The following CNTN6 variants were observed in gnomAD, a reference collection of about 807,000 sequenced individuals.
The protein encoded by CNTN6 is contactin 6, also known as contactin-6.
Under a neutral mutation model 122.8 loss-of-function variants are expected in CNTN6, and 137 were observed. The observed-to-expected ratio is 1.12, with a 90% CI of 0.97 to 1.29. The LOEUF (loss-of-function observed/expected upper bound fraction) is 1.29, where lower values mean the gene tolerates loss of function less well. Among genes scored for constraint, CNTN6 ranks in the 50% most tolerant of loss-of-function variants. The pLI is 0.00. For missense variants in CNTN6, 1,634 were observed against 1,223.4 expected (o/e 1.34, Z -5.01); for synonymous variants, 570 against 426.0 (o/e 1.34, Z -4.16).
intron 2 of CNTN6, among the ~76,000 whole-genome samples, chr3:1,204,702 G>A (rs1246006966): frequency 2.0e-5 from 3 of 152,118 alleles, no homozygotes; most frequent in Admixed American, 2.0e-4. Flanking sequence ...TCCCAAAGAA[G>A]AAACAAGGAC....
At chr3:1,306,923 CCTCA>C (rs1233990257) in intron 7 of CNTN6, among the ~76,000 whole-genome samples, 1 of 152,144 alleles carries the variant, frequency 6.6e-6, no homozygotes, top group African/African-American at 2.4e-5. Context: ...ACTGACGTTT[CCTCA>C]CTCACTCATT....
intron 5 of CNTN6, among the ~76,000 whole-genome samples, chr3:1,287,319 G>A (rs1379080472): frequency 2.0e-5 from 3 of 152,046 alleles, no homozygotes; most frequent in Admixed American, 6.6e-5. Flanking sequence ...GATGCCAATC[G>A]CACTGCCTCC....
chr3:1,299,346 A>T (rs1696811997), intron 7 of CNTN6, among the ~76,000 whole-genome samples: 3 of 152,172 alleles, frequency 2.0e-5, no homozygotes, highest in Admixed American at 2.0e-4. Flanking sequence ...AATTAATTTT[A>T]AAAGAAAACC....
chr3:1,237,768 T>A (rs2094439303), intron 4 of CNTN6, among the ~76,000 whole-genome samples: 2 of 152,106 alleles, frequency 1.3e-5, no homozygotes, highest in East Asian at 1.9e-4. Flanking sequence ...ACAAAACAAC[T>A]ATTAGTCAAG....
chr3:1,236,660 T>A (rs4063468), intron 4 of CNTN6, among the ~76,000 whole-genome samples: 1 of 151,898 alleles, frequency 6.6e-6, no homozygotes, highest in African/African-American at 2.4e-5. Flanking sequence ...AATGATAATA[T>A]GACAAAATAA....
chr3:1,331,304 G>C (rs1702251973), intron 11 of CNTN6, among the ~76,000 whole-genome samples: 1 of 151,872 alleles, frequency 6.6e-6, no homozygotes, highest in African/African-American at 2.4e-5. Context: ...CCTGTGCCTT[G>C]GCACAGAACC....
At chr3:1,324,866 C>T (rs1291937026) in intron 8 of CNTN6, among the ~76,000 whole-genome samples, 1 of 149,638 alleles carries the variant, frequency 6.7e-6, no homozygotes, top group African/African-American at 2.5e-5. Context: ...AACAGGTTAC[C>T]TAACATCGCT....
chr3:1,367,589 A>G (rs952574764), intron 12 of CNTN6, among the ~76,000 whole-genome samples: 5 of 152,046 alleles, frequency 3.3e-5, no homozygotes, highest in Admixed American at 1.3e-4. Context: ...CTGTGTGTGC[A>G]TGAGCTGCTG....
chr3:1,224,036 A>G (rs1280023321), intron 3 of CNTN6, among the ~76,000 whole-genome samples: 1 of 152,228 alleles, frequency 6.6e-6, no homozygotes, highest in Admixed American at 6.5e-5. Context: ...TTCTTTCCAC[A>G]GGGGTCACAG....
chr3:1,205,187 G>C (rs1297844481), intron 2 of CNTN6, among the ~76,000 whole-genome samples: 2 of 152,086 alleles, frequency 1.3e-5, no homozygotes, highest in Non-Finnish European at 2.9e-5. Flanking sequence ...AGTCGTATAA[G>C]GCAAGGAAAC....
chr3:1,264,991 C>T (rs2125721352), intron 4 of CNTN6, among the ~76,000 whole-genome samples: 1 of 147,718 alleles, frequency 6.8e-6, no homozygotes, highest in Middle Eastern at 3.6e-3. Flanking sequence ...GCTTATTTTA[C>T]TTAGCATAAT....
At chr3:1,252,500 A>G (rs904891889) in intron 4 of CNTN6, among the ~76,000 whole-genome samples, 5 of 152,204 alleles carry the variant, frequency 3.3e-5, no homozygotes, top group African/African-American at 1.2e-4. Context: ...ACACAGATGG[A>G]TGAATATTTG....
In CNTN6 at chr3:1,281,550, C is replaced by T. The variant is rs917577204; in HGVS notation, c.454+3042C>T. 3.3e-5 allele frequency among the ~76,000 whole-genome samples: 5 copies of T among 151,858 alleles called. 1 individual carries two copies. The highest frequency in any genetic ancestry group is 4.2e-4 in the South Asian group (2 of 4,782). ...CCCCATCTCTGCTCACCACTACCTCCGCCTCCCAGATTCAAGGGATTCTCC... is the reference window on the plus strand; with the variant it reads ...CCCCATCTCTGCTCACCACTACCTCTGCCTCCCAGATTCAAGGGATTCTCC... On this transcript the variant is annotated intron_variant, in intron 5 of 22. Transcript: ENST00000446702.
intron 1 of CNTN6, among the ~76,000 whole-genome samples, chr3:1,114,248 T>C (rs2091613108): frequency 6.6e-6 from 1 of 152,140 alleles, no homozygotes; most frequent in South Asian, 2.1e-4. Flanking sequence ...TAACATTAAT[T>C]GAAGAATTCT....
At chr3:1,326,716 G>C (rs544711446) in intron 9 of CNTN6, among the ~76,000 whole-genome samples, 1 of 151,984 alleles carries the variant, frequency 6.6e-6, no homozygotes, top group Admixed American at 6.6e-5. Context: ...AAGAACATCT[G>C]TTGTTTGGAA....
chr3:1,326,715 T>C (rs1701593150), intron 9 of CNTN6, among the ~76,000 whole-genome samples: 1 of 151,910 alleles, frequency 6.6e-6, no homozygotes, highest in African/African-American at 2.4e-5. Flanking sequence ...AAAGAACATC[T>C]GTTGTTTGGA....
chr3:1,325,741 A>G, intron 8 of CNTN6, 74 bp from the exon 9 acceptor site: 2 of 1,523,086 alleles, frequency 1.3e-6, no homozygotes, highest in Non-Finnish European at 1.8e-6. Flanking sequence ...TGATCTCTAC[A>G]GCCCTTGTAA....
At chr3:1,390,878 G>C (rs1253486258) in intron 20 of CNTN6, among the ~76,000 whole-genome samples, 1 of 150,814 alleles carries the variant, frequency 6.6e-6, no homozygotes, top group Admixed American at 6.6e-5. Flanking sequence ...TCTCTGAATA[G>C]ACCAATAACA....
intron 2 of CNTN6, among the ~76,000 whole-genome samples, chr3:1,200,032 C>CAT (rs920892882): frequency 3.3e-5 from 5 of 152,116 alleles, no homozygotes; most frequent in South Asian, 2.1e-4. Flanking sequence ...TGTTTTTAGA[C>CAT]ATATATATAT....
Sources: allele counts gnomAD v4.1 joint callset (sites outside exome capture counted in the v4.1 genomes callset), GRCh38; gene constraint gnomAD v4.1.1; transcripts MANE v1.5; gene names NCBI Gene and HGNC (gene_info 2026-07-23, HGNC 2026-07-21).